The following BLCAP variants were observed in gnomAD, a reference collection of about 807,000 sequenced individuals.
BLCAP encodes the protein apoptosis inducing factor BLCAP.
A neutral mutation model predicts 5.7 loss-of-function variants in BLCAP; 1 was observed. The ratio of observed to expected loss-of-function variants is 0.18; its 90% confidence interval spans 0.06 to 0.83. BLCAP has a LOEUF of 0.83. Ranked by LOEUF, BLCAP falls within the 40% of genes least tolerant of loss-of-function variation. The probability of loss-of-function intolerance (pLI) is 0.71; values close to 1 mark genes in which losing one functional copy is unlikely to be tolerated. For synonymous variants in BLCAP, 48 were observed against 49.4 expected (o/e 0.97, Z 0.11); for missense variants, 66 against 107.6 (o/e 0.61, Z 1.71).
rs1417654289 is a variant in BLCAP, at chr20:37,521,236, A to G, written c.-176-1886T>C. 1 of 1,326,836 alleles carries G rather than the reference A, an allele frequency of 7.5e-7. No homozygotes were observed. Among genetic ancestry groups the G allele is most frequent in the Non-Finnish European group, 1.1e-6 (1 of 923,432 alleles). The allele number at this position is 1,326,836 out of a possible 1,614,324, so 82.2% of individuals were successfully genotyped here. A position where few individuals can be genotyped will look rare whatever the true frequency, so the allele number is the denominator to read the frequency against. ...GCGGGCGGGTACTTAAGGCGCGGCC[A>G]CCGCGGCTGCGGCAGTGCGCCCAAC... is the stretch of plus-strand genomic sequence containing the variant. On this transcript the variant is annotated intron_variant, in intron 1 of 1. Transcript: ENST00000373537. The surrounding 1 kb of genome is among the most constrained non-coding windows in gnomAD (Gnocchi z 4.5).
chr20:37,520,492 A>T (rs1399063738), intron 1 of BLCAP: 1 of 152,324 alleles, frequency 6.6e-6, no homozygotes, highest in East Asian at 1.9e-4. Flanking sequence ...TGTCCAGCAG[A>T]AAACTATCCC....
Position 37,519,222 on chromosome 20 carries a change from A to G in BLCAP, c.-48T>C. ...CACCAAGGCTGCCGGGCACCGCTGC[A>G]GGAACCGACCTAATGGGAGCCAGCG... On this transcript the variant is annotated 5_prime_UTR_variant, in exon 2 of 2. Transcript: ENST00000373537. 2 of 1,531,662 alleles carry G rather than the reference A, an allele frequency of 1.3e-6. No homozygotes were observed. The highest frequency in any genetic ancestry group is 1.8e-6 in the Non-Finnish European group (2 of 1,136,314). 94.9% of individuals were successfully genotyped at this position (1,531,662 alleles called of 1,614,324 possible).
At chr20:37,525,406 G>A (rs1453768282) in intron 1 of BLCAP, among the ~76,000 whole-genome samples, 1 of 152,186 alleles carries the variant, frequency 6.6e-6, no homozygotes, top group African/African-American at 2.4e-5. Context: ...AGGACAAGAG[G>A]CTCCTGGTAG....
intron 1 of BLCAP, among the ~76,000 whole-genome samples, chr20:37,522,070 A>C (rs961771698): frequency 1.3e-5 from 2 of 151,704 alleles, no homozygotes; most frequent in Non-Finnish European, 2.9e-5. Context: ...GCTAACGGAA[A>C]AAAATGGATC....
rs912843500 is a variant in BLCAP, at chr20:37,517,570, C to T, written c.*1341G>A. ...CCTCCAGTTCTGTTCTCTGCCTGGC[C>T]CATCTCTCTTTCCCCTCAGGCAAGA... On this transcript the variant is annotated 3_prime_UTR_variant, in exon 2 of 2. Coordinates refer to ENST00000373537, the MANE Select transcript of BLCAP (RefSeq NM_006698.4). The T allele has an allele frequency of 1.3e-5, 2 of 152,422 alleles. No homozygotes were observed. The highest frequency in any genetic ancestry group is 6.5e-5 in the Admixed American group (1 of 15,272). 9.4% of individuals were successfully genotyped at this position (152,422 alleles called of 1,614,324 possible).
intron 1 of BLCAP, chr20:37,522,500 A>C: frequency 6.5e-7 from 1 of 1,529,142 alleles, no homozygotes; most frequent in Non-Finnish European, 9.0e-7. Flanking sequence ...CAGTTGGAAA[A>C]GCTCCAGCTG....
chr20:37,518,711 CGACTATAG>C lies in BLCAP; in HGVS notation c.*192_*199del. ...ACACACACAACCACAAGACCACCCA[CGACTATAG>C]GACTTTACAATAAAAGCACCGGTCA... is the stretch of plus-strand genomic sequence containing the variant. On this transcript the variant is annotated 3_prime_UTR_variant, in exon 2 of 2. Coordinates refer to ENST00000373537, the MANE Select transcript of BLCAP (RefSeq NM_006698.4). The C allele has an allele frequency of 1.3e-6, 1 of 765,948 alleles. No individual in the cohort carries two copies. Among genetic ancestry groups the C allele is most frequent in the Non-Finnish European group, 2.0e-6 (1 of 490,952 alleles). The allele number at this position is 765,948 out of a possible 1,614,324, so 47.4% of individuals were successfully genotyped here. A position where few individuals can be genotyped will look rare whatever the true frequency, so the allele number is the denominator to read the frequency against.
chr20:37,518,619 A>T lies in BLCAP; in HGVS notation c.*292T>A. ...TGGGGCAGCTGACCAGGATGGACCC[A>T]GACTCCTCACAGTAATGAGGCGAGA... On this transcript the variant is annotated 3_prime_UTR_variant, in exon 2 of 2. Coordinates refer to ENST00000373537, the MANE Select transcript of BLCAP (RefSeq NM_006698.4). 2.5e-6 allele frequency: 1 copy of T among 400,096 alleles called. No homozygotes were observed. The highest frequency in any genetic ancestry group is 4.6e-6 in the Non-Finnish European group (1 of 218,042). 24.8% of individuals were successfully genotyped at this position (400,096 alleles called of 1,614,324 possible).
At chr20:37,523,980 G>A (rs1019756834) in intron 1 of BLCAP, among the ~76,000 whole-genome samples, 10 of 152,174 alleles carry the variant, frequency 6.6e-5, no homozygotes, top group Non-Finnish European at 2.9e-5. Context: ...TGTGGTCTTA[G>A]GATAAGGGGC....
chr20:37,522,180 C>CAAAAAAAAAA (rs34619095), intron 1 of BLCAP, among the ~76,000 whole-genome samples: 1 of 104,774 alleles, frequency 9.5e-6, no homozygotes, highest in Non-Finnish European at 2.1e-5. Flanking sequence ...AATTGCTTTA[C>CAAAAAAAAAA]AAAAAAAAAA....
rs2071562830 is a variant in BLCAP, at chr20:37,521,382, C to T, written c.-176-2032G>A. The T allele has an allele frequency of 1.9e-6, 3 of 1,614,130 alleles. No individual in the cohort carries two copies. Among genetic ancestry groups the T allele is most frequent in the South Asian group, 1.1e-5 (1 of 91,080 alleles). ...CTGAACTGCTCATCATCGGCTGGTA[C>T]ATCTTCCGCGTGCTGCTGCAGGTAA... On this transcript the variant is annotated intron_variant, in intron 1 of 1. Transcript: ENST00000373537. The surrounding 1 kb of genome is among the most constrained non-coding windows in gnomAD (Gnocchi z 4.5).
In BLCAP at chr20:37,521,601, G is replaced by T; in HGVS notation, c.-176-2251C>A. The T allele has an allele frequency of 1.7e-6, 1 of 582,262 alleles. No individual in the cohort carries two copies. Among genetic ancestry groups the T allele is most frequent in the Non-Finnish European group, 3.0e-6 (1 of 329,102 alleles). The allele number at this position is 582,262 out of a possible 1,614,324, so 36.1% of individuals were successfully genotyped here. A position where few individuals can be genotyped will look rare whatever the true frequency, so the allele number is the denominator to read the frequency against. On this transcript the variant is annotated intron_variant, in intron 1 of 1. Transcript: ENST00000373537. The surrounding 1 kb of genome is among the most constrained non-coding windows in gnomAD (Gnocchi z 4.5). Reference sequence around the variant, plus strand: ...GTCCTCCTCGCGCTGACCCTCCCTAGTGCGCCCGCGCCTGCCAGGGAACAA... The same window carrying T: ...GTCCTCCTCGCGCTGACCCTCCCTATTGCGCCCGCGCCTGCCAGGGAACAA...
At chr20:37,524,004 A>G (rs1341669734) in intron 1 of BLCAP, among the ~76,000 whole-genome samples, 1 of 152,186 alleles carries the variant, frequency 6.6e-6, no homozygotes, top group African/African-American at 2.4e-5. Context: ...AGCAAGTATC[A>G]CTTTGGGAAA....
intron 1 of BLCAP, chr20:37,520,298 G>A (rs1457765231): frequency 6.6e-6 from 1 of 152,226 alleles, no homozygotes; most frequent in Non-Finnish European, 1.5e-5. Flanking sequence ...CAAGACTGGC[G>A]GTCTAAAAGG....
chr20:37,526,618 CAAAA>C (rs955291444), intron 1 of BLCAP: 1 of 151,792 alleles, frequency 6.6e-6, no homozygotes, highest in Non-Finnish European at 1.5e-5. Context: ...AGAACAACAA[CAAAA>C]AAAGACAGTC....
intron 1 of BLCAP, among the ~76,000 whole-genome samples, chr20:37,519,584 C>A (rs1164362585): frequency 2.0e-5 from 3 of 152,180 alleles, no homozygotes; most frequent in Admixed American, 1.3e-4. Context: ...GATGTCTCCC[C>A]GGGGCTTCTC....
At chr20:37,524,903 T>C (rs868301688) in intron 1 of BLCAP, among the ~76,000 whole-genome samples, 16 of 152,284 alleles carry the variant, frequency 1.1e-4, no homozygotes, top group Middle Eastern at 6.8e-3. Context: ...CCAGTTTCCC[T>C]CTCGAAGAGG....
intron 1 of BLCAP, chr20:37,527,557 G>C (rs780082510): frequency 6.6e-6 from 1 of 152,334 alleles, no homozygotes; most frequent in South Asian, 2.1e-4. Context: ...CCAGCACCCA[G>C]GAGTACTATG....
chr20:37,520,627 C>T (rs1236271585), intron 1 of BLCAP: 1 of 152,352 alleles, frequency 6.6e-6, no homozygotes, highest in Non-Finnish European at 1.5e-5. Flanking sequence ...AAGCGCAGTG[C>T]TCTGGCTCAG....
Sources: allele counts gnomAD v4.1 joint callset (sites outside exome capture counted in the v4.1 genomes callset), GRCh38; gene constraint gnomAD v4.1.1; non-coding constraint Gnocchi (gnomAD v3.1); transcripts MANE v1.5; gene names NCBI Gene and HGNC (gene_info 2026-07-23, HGNC 2026-07-21).